KIAA1328: variants seen among roughly 807,000 people sequenced by gnomAD.
KIAA1328 encodes the protein KIAA1328.
KIAA1328 carries 52 observed loss-of-function variants against 68.1 expected under a neutral mutation model. The observed-to-expected ratio is 0.76, with a 90% CI of 0.61 to 0.96. The LOEUF is 0.96. Among genes scored for constraint, KIAA1328 ranks in the 40% least tolerant of loss-of-function variants. The pLI is 0.00. For synonymous variants in KIAA1328, 232 were observed against 239.4 expected (o/e 0.97, Z 0.28); for missense variants, 641 against 677.6 (o/e 0.95, Z 0.60).
At chr18:37,070,602 T>C (rs2056490312) in intron 7 of KIAA1328, among the ~76,000 whole-genome samples, 2 of 150,206 alleles carry the variant, frequency 1.3e-5, no homozygotes, top group Admixed American at 1.3e-4. Context: ...TGAGACAGAG[T>C]CTCTGTCGCT....
At chr18:36,829,436 A>G in intron 1 of KIAA1328, 4 of 1,311,714 alleles carry the variant, frequency 3.0e-6, no homozygotes, top group Non-Finnish European at 3.9e-6. Flanking sequence ...AGCGCTCACT[A>G]CCGGTGAGCT....
At chr18:37,137,618 C>T (rs1214405781) in intron 7 of KIAA1328, among the ~76,000 whole-genome samples, 5 of 152,148 alleles carry the variant, frequency 3.3e-5, no homozygotes, top group South Asian at 2.1e-4. Flanking sequence ...ATATCTCTCT[C>T]GTTCCCATGT....
At chr18:36,909,832 G>A (rs1350596620) in intron 5 of KIAA1328, among the ~76,000 whole-genome samples, 1 of 152,162 alleles carries the variant, frequency 6.6e-6, no homozygotes, top group Non-Finnish European at 1.5e-5. Flanking sequence ...ATTCTAACTG[G>A]TGTGAGATGG....
intron 6 of KIAA1328, among the ~76,000 whole-genome samples, chr18:37,042,559 T>C (rs2055298992): frequency 6.6e-6 from 1 of 152,254 alleles, no homozygotes; most frequent in Admixed American, 6.5e-5. Context: ...ACTTTGAATA[T>C]GTCATCCCAC....
chr18:37,047,078 GC>G, intron 6 of KIAA1328, among the ~76,000 whole-genome samples: 1 of 152,222 alleles, frequency 6.6e-6, no homozygotes, highest in East Asian at 1.9e-4. Flanking sequence ...CTGCACTCCA[GC>G]CTGGGTGACA....
chr18:37,195,720 T>TA (rs2059991823), intron 9 of KIAA1328, among the ~76,000 whole-genome samples: 1 of 152,194 alleles, frequency 6.6e-6, no homozygotes, highest in Admixed American at 6.5e-5. Context: ...GATTCAAAGT[T>TA]AGATACTGGC....
At chr18:36,935,180 T>TC (rs2050454435) in intron 5 of KIAA1328, among the ~76,000 whole-genome samples, 1 of 152,226 alleles carries the variant, frequency 6.6e-6, no homozygotes, top group Non-Finnish European at 1.5e-5. Flanking sequence ...TAACATACAG[T>TC]CTCTGGCTAC....
At chr18:36,849,413 A>G (rs921796199) in intron 4 of KIAA1328, among the ~76,000 whole-genome samples, 3 of 151,726 alleles carry the variant, frequency 2.0e-5, no homozygotes, top group African/African-American at 7.3e-5. Context: ...TTCACCAGTT[A>G]CTCCCCATTT....
At chr18:37,089,747 G>A (rs777134485) in intron 7 of KIAA1328, among the ~76,000 whole-genome samples, 92 of 152,190 alleles carry the variant, frequency 6.0e-4, no homozygotes, top group Non-Finnish European at 1.0e-3. Flanking sequence ...AAAAATTTTT[G>A]TTGAATTGCT....
chr18:37,227,036 G>A (rs2060644010), downstream of KIAA1328, among the ~76,000 whole-genome samples: 1 of 152,112 alleles, frequency 6.6e-6, no homozygotes, highest in Non-Finnish European at 1.5e-5. Context: ...CAAAGTGCTG[G>A]GATTACGGGT....
chr18:36,872,263 A>G (rs2047971988), intron 4 of KIAA1328, among the ~76,000 whole-genome samples: 2 of 152,250 alleles, frequency 1.3e-5, no homozygotes, highest in South Asian at 2.1e-4. Flanking sequence ...GAACAGGAGC[A>G]CTTCTAAGAC....
intron 4 of KIAA1328, among the ~76,000 whole-genome samples, chr18:36,882,616 A>T (rs981399849): frequency 6.6e-6 from 1 of 152,208 alleles, no homozygotes; most frequent in East Asian, 1.9e-4. Flanking sequence ...GGATAGTCAA[A>T]TCATAGCAGC....
intron 4 of KIAA1328, among the ~76,000 whole-genome samples, chr18:36,854,560 G>C (rs921300674): frequency 6.6e-6 from 1 of 152,112 alleles, no homozygotes; most frequent in African/African-American, 2.4e-5. Flanking sequence ...ACCCTTGTTA[G>C]CATTTGTTGT....
intron 4 of KIAA1328, among the ~76,000 whole-genome samples, chr18:36,880,617 G>A (rs558200604): frequency 3.5e-4 from 54 of 152,114 alleles, no homozygotes; most frequent in Non-Finnish European, 6.9e-4. Context: ...AGGGGATATA[G>A]TAATAGCTGA....
rs141788619 is a variant in KIAA1328, at chr18:37,071,632, A to G, written c.1232+4087A>G. On this transcript the variant is annotated intron_variant, in intron 7 of 9. Transcript: ENST00000280020. ...GTGCAAAGATTATATATACATACAC[A>G]TCACTTGAGCAAATCCATGGGATTT... 8.3e-3 allele frequency among the ~76,000 whole-genome samples: 1,265 copies of G among 152,344 alleles called. 12 individuals carry two copies. Among genetic ancestry groups the G allele is most frequent in the Non-Finnish European group, 0.012 (835 of 68,022 alleles).
chr18:36,950,321 A>G (rs939455675), intron 5 of KIAA1328, among the ~76,000 whole-genome samples: 7 of 152,174 alleles, frequency 4.6e-5, no homozygotes, highest in Non-Finnish European at 7.4e-5. Context: ...CACATTGTCT[A>G]TTTATGGTTT....
chr18:36,961,948 C>A (rs1161943973), intron 6 of KIAA1328, among the ~76,000 whole-genome samples: 1 of 152,180 alleles, frequency 6.6e-6, no homozygotes, highest in African/African-American at 2.4e-5. Context: ...ATGACAGGAT[C>A]AAATTCCACA....
intron 7 of KIAA1328, among the ~76,000 whole-genome samples, chr18:37,077,454 T>C (rs2056781815): frequency 6.7e-6 from 1 of 149,624 alleles, no homozygotes; most frequent in East Asian, 1.9e-4. Context: ...ACCACTCCTA[T>C]TCAACATAGT....
At chr18:37,226,440 A>T (rs968292515), downstream of KIAA1328, among the ~76,000 whole-genome samples, 1 of 152,126 alleles carries the variant, frequency 6.6e-6, no homozygotes, top group Non-Finnish European at 1.5e-5. Context: ...AGAGAAACCC[A>T]TACCCTTTAG....
Sources: gnomAD v4.1 joint callset for allele counts (sites outside exome capture counted in the v4.1 genomes callset) on GRCh38, gnomAD v4.1.1 for gene constraint, MANE v1.5 for transcripts, NCBI Gene and HGNC (gene_info 2026-07-23, HGNC 2026-07-21) for gene names.